The following FSTL5 variants were observed in gnomAD, a reference collection of about 807,000 sequenced individuals.
FSTL5 encodes the protein follistatin like 5, also known as follistatin-related protein 5.
FSTL5 carries 62 observed loss-of-function variants against 89.1 expected under a neutral mutation model. That is an observed-to-expected ratio of 0.70 (90% CI 0.57 to 0.86). The LOEUF is 0.86. Ranked by LOEUF, FSTL5 falls within the 40% of genes least tolerant of loss-of-function variation. The pLI is 0.00. For synonymous variants in FSTL5, 383 were observed against 346.2 expected, an observed-to-expected ratio of 1.11 and a Z score of -1.18; for missense variants, 1,057 against 1,001.6, an observed-to-expected ratio of 1.06 and a Z score of -0.75.
At chr4:162,131,762 G>A (rs1421041412) in intron 1 of FSTL5, among the ~76,000 whole-genome samples, 2 of 152,174 alleles carry the variant, frequency 1.3e-5, no homozygotes, top group Non-Finnish European at 2.9e-5. Flanking sequence ...ACTGCTCGAT[G>A]CTAGTTTCCA....
At chr4:161,721,310 T>TAAA (rs1553961067) in intron 6 of FSTL5, among the ~76,000 whole-genome samples, 1 of 107,220 alleles carries the variant, frequency 9.3e-6, no homozygotes, top group Non-Finnish European at 2.1e-5. Context: ...AAAAAAAAAT[T>TAAA]TTTCTAAGAA....
At chr4:161,496,722 C>A (rs1277927420) in intron 12 of FSTL5, among the ~76,000 whole-genome samples, 1 of 151,840 alleles carries the variant, frequency 6.6e-6, no homozygotes, top group Non-Finnish European at 1.5e-5. Context: ...TGACATATCC[C>A]ACCTGCAGTT....
intron 4 of FSTL5, among the ~76,000 whole-genome samples, chr4:161,849,751 A>G (rs1731493386): frequency 6.6e-6 from 1 of 152,160 alleles, no homozygotes; most frequent in Non-Finnish European, 1.5e-5. Context: ...ACTAATAATG[A>G]AAAATATGAA....
At chr4:162,142,937 T>C (rs1579060709) in intron 1 of FSTL5, among the ~76,000 whole-genome samples, 2 of 152,314 alleles carry the variant, frequency 1.3e-5, no homozygotes, top group Non-Finnish European at 1.5e-5. Flanking sequence ...ATACATTGCT[T>C]TGACACACAC....
intron 3 of FSTL5, among the ~76,000 whole-genome samples, chr4:162,007,803 A>G (rs1161770127): frequency 6.6e-6 from 1 of 151,942 alleles, no homozygotes; most frequent in Non-Finnish European, 1.5e-5. Context: ...ACTACAGCTT[A>G]AAGTAACACG....
intron 6 of FSTL5, among the ~76,000 whole-genome samples, chr4:161,731,358 T>A (rs1311343354): frequency 2.0e-5 from 3 of 152,078 alleles, no homozygotes; most frequent in Non-Finnish European, 4.4e-5. Context: ...AATCCCCATG[T>A]GTTGGGCGAG....
intron 4 of FSTL5, among the ~76,000 whole-genome samples, chr4:161,783,794 G>C (rs763149214): frequency 1.4e-5 from 2 of 140,512 alleles, no homozygotes; most frequent in Non-Finnish European, 3.0e-5. Context: ...TCTCACTGTT[G>C]TCACCCAGGC....
chr4:161,959,671 AGATGTTTCTTG>A, intron 3 of FSTL5, among the ~76,000 whole-genome samples: 1 of 152,246 alleles, frequency 6.6e-6, no homozygotes, highest in South Asian at 2.1e-4. Flanking sequence ...TTTAGACTAG[AGATGTTTCTTG>A]GTATGCAGAT....
chr4:161,443,833 T>C (rs1027692161), intron 15 of FSTL5, among the ~76,000 whole-genome samples: 1 of 151,864 alleles, frequency 6.6e-6, no homozygotes, highest in Non-Finnish European at 1.5e-5. Flanking sequence ...AGCAGGAAAG[T>C]ATAGGGGCTA....
At chr4:161,476,189 G>GTTTTTTTT (rs1241724019) in intron 13 of FSTL5, among the ~76,000 whole-genome samples, 7 of 106,902 alleles carry the variant, frequency 6.5e-5, no homozygotes, top group African/African-American at 2.3e-4. Context: ...TTTTTTTTTT[G>GTTTTTTTT]TTTGTTTGTT....
intron 7 of FSTL5, among the ~76,000 whole-genome samples, chr4:161,607,133 A>G (rs1734475458): frequency 6.6e-6 from 1 of 152,194 alleles, no homozygotes; most frequent in Non-Finnish European, 1.5e-5. Context: ...TATTAGTAAT[A>G]TAATGAGTCT....
intron 3 of FSTL5, among the ~76,000 whole-genome samples, chr4:162,015,125 A>G (rs1736880809): frequency 6.6e-6 from 1 of 152,184 alleles, no homozygotes; most frequent in African/African-American, 2.4e-5. Flanking sequence ...ACAGAGGTAG[A>G]ACTTACAGAT....
chr4:162,103,730 T>C (rs554005759), intron 2 of FSTL5, among the ~76,000 whole-genome samples: 180 of 152,314 alleles, frequency 1.2e-3, no homozygotes, highest in African/African-American at 4.2e-3. Context: ...CTGGATTTCC[T>C]AGGCAGACTA....
intron 13 of FSTL5, among the ~76,000 whole-genome samples, chr4:161,477,427 T>A (rs1336266989): frequency 6.7e-6 from 1 of 150,110 alleles, no homozygotes; most frequent in Non-Finnish European, 1.5e-5. Context: ...TATAAATTAT[T>A]AATTATTATA....
At chr4:161,824,177 T>C (rs183946585) in intron 4 of FSTL5, among the ~76,000 whole-genome samples, 68 of 152,266 alleles carry the variant, frequency 4.5e-4, no homozygotes, top group African/African-American at 1.6e-3. Context: ...CCATCTTGAG[T>C]TGATTTTTAT....
At chr4:162,076,214 G>C (rs774438016) in intron 2 of FSTL5, among the ~76,000 whole-genome samples, 1 of 151,828 alleles carries the variant, frequency 6.6e-6, no homozygotes, top group Non-Finnish European at 1.5e-5. Flanking sequence ...CCATCATATC[G>C]CTATAGCTAT....
intron 13 of FSTL5, among the ~76,000 whole-genome samples, chr4:161,470,730 G>T (rs1342123867): frequency 1.3e-5 from 2 of 151,918 alleles, no homozygotes; most frequent in African/African-American, 2.4e-5. Flanking sequence ...CATGAACATA[G>T]GTTGTTTTCC....
chr4:161,561,920 T>C (rs778699246), intron 8 of FSTL5, among the ~76,000 whole-genome samples: 1 of 152,130 alleles, frequency 6.6e-6, no homozygotes, highest in African/African-American at 2.4e-5. Context: ...AAGGCACGTG[T>C]TGTAGGTGTG....
chr4:161,921,007 T>G (rs188212610), intron 3 of FSTL5, among the ~76,000 whole-genome samples: 2 of 152,286 alleles, frequency 1.3e-5, no homozygotes, highest in African/African-American at 4.8e-5. Flanking sequence ...TTGTGCCAAG[T>G]TGTCCCATCT....
Sources: allele counts gnomAD v4.1 joint callset (sites outside exome capture counted in the v4.1 genomes callset), GRCh38; gene constraint gnomAD v4.1.1; transcripts MANE v1.5; gene names NCBI Gene and HGNC (gene_info 2026-07-23, HGNC 2026-07-21).